The following SLC17A6 variants were observed in gnomAD, a reference collection of about 807,000 sequenced individuals.
SLC17A6 encodes the protein vesicular glutamate transporter 2.
SLC17A6 carries 35 observed loss-of-function variants against 67.1 expected under a neutral mutation model. That is an observed-to-expected ratio of 0.52 (90% confidence interval 0.40 to 0.69). The LOEUF (loss-of-function observed/expected upper bound fraction) is 0.69, where lower values mean the gene tolerates loss of function less well. SLC17A6 is among the 30% of genes least tolerant of loss of function. The pLI, the probability that SLC17A6 is intolerant of heterozygous loss-of-function variation, is 0.00. For synonymous variants in SLC17A6, 285 were observed against 252.3 expected, an observed-to-expected ratio of 1.13 and a Z score of -1.23; for missense variants, 588 against 723.9, an observed-to-expected ratio of 0.81 and a Z score of 2.15.
At chr11:22,350,246 T>C (rs192579467) in intron 3 of SLC17A6, among the ~76,000 whole-genome samples, 1 of 152,312 alleles carries the variant, frequency 6.6e-6, no homozygotes, top group East Asian at 1.9e-4. Context: ...CTATTACACC[T>C]CTTGATTTTG....
At chr11:22,370,721 T>C (rs1856165986) in intron 8 of SLC17A6, among the ~76,000 whole-genome samples, 1 of 152,084 alleles carries the variant, frequency 6.6e-6, no homozygotes. Context: ...GTGCAGAACT[T>C]TATGTGAGAT....
chr11:22,339,205 G>A (rs1300734055), intron 1 of SLC17A6, among the ~76,000 whole-genome samples: 56 of 130,706 alleles, frequency 4.3e-4, no homozygotes, highest in Admixed American at 6.2e-4. Context: ...ATATATATAT[G>A]TTAGAGAGAG....
intron 4 of SLC17A6, among the ~76,000 whole-genome samples, chr11:22,360,644 C>T (rs1564983281): frequency 6.6e-6 from 1 of 151,330 alleles, no homozygotes; most frequent in Non-Finnish European, 1.5e-5. Context: ...CTAAACTTCA[C>T]TTTTCTCTGT....
chr11:22,368,484 C>T (rs1856137902), intron 7 of SLC17A6, among the ~76,000 whole-genome samples: 2 of 151,852 alleles, frequency 1.3e-5, no homozygotes, highest in Admixed American at 6.6e-5. Context: ...TATCAGAATA[C>T]CATAATCTTC....
At chr11:22,377,234 A>T (rs1856241291) in intron 11 of SLC17A6, among the ~76,000 whole-genome samples, 171 bp from the exon 12 acceptor site, 1 of 152,272 alleles carries the variant, frequency 6.6e-6, no homozygotes, top group Admixed American at 6.5e-5. Flanking sequence ...AAATAATAAA[A>T]GTAATAGTAT....
chr11:22,375,914 T>C, intron 9 of SLC17A6, 68 bp from the exon 10 acceptor site: 1 of 984,538 alleles, frequency 1.0e-6, no homozygotes, highest in South Asian at 1.6e-5. Flanking sequence ...GGAACATTTT[T>C]AGCAGTTTTG....
At position 22,379,355 on chromosome 11, in the gene SLC17A6, T is replaced by C. The variant is rs1039379138; in HGVS notation, c.*1615T>C. 6.6e-6 allele frequency: 1 copy of C among 151,868 alleles called. No individual in the cohort carries two copies. Among genetic ancestry groups the C allele is most frequent in the African/African-American group, 2.4e-5 (1 of 41,264 alleles). 9.4% of individuals were successfully genotyped at this position (151,868 alleles called of 1,614,324 possible). On this transcript the variant is annotated 3_prime_UTR_variant, in exon 12 of 12. Coordinates refer to ENST00000263160, the MANE Select transcript of SLC17A6 (RefSeq NM_020346.3). Reference sequence around the variant, plus strand: ...AAAAAATGCAAATCATTCTTTACCTTAAGAAAAAAAAAATACCCTTTGCTT... The same window carrying C: ...AAAAAATGCAAATCATTCTTTACCTCAAGAAAAAAAAAATACCCTTTGCTT...
chr11:22,377,972 T>C lies in SLC17A6; in HGVS notation c.*232T>C. 2.0e-6 allele frequency: 1 copy of C among 507,656 alleles called. No homozygotes were observed. The highest frequency in any genetic ancestry group is 3.7e-5 in the Admixed American group (1 of 26,756). The allele number at this position is 507,656 out of a possible 1,614,324, so 31.4% of individuals were successfully genotyped here. A position where few individuals can be genotyped will look rare whatever the true frequency, so the allele number is the denominator to read the frequency against. On this transcript the variant is annotated 3_prime_UTR_variant, in exon 12 of 12. Coordinates refer to ENST00000263160, the MANE Select transcript of SLC17A6 (RefSeq NM_020346.3). ...CATTCTTGCATTTGTGACTTAAAGG[T>C]TGACTGGTCAAAATTGTAGAAACAA...
Position 22,362,204 on chromosome 11 carries a change from G to A in SLC17A6, c.662-535G>A, listed in dbSNP as rs572802703. On this transcript the variant is annotated intron_variant, in intron 5 of 11. Coordinates refer to ENST00000263160, the MANE Select transcript of SLC17A6 (RefSeq NM_020346.3). ...AACAAATTTGCCATAGGGGAAAAAC[G>A]TGATAACTTACCTTGATGACATCTT... 90 of 435,080 alleles carry A rather than the reference G, an allele frequency of 2.1e-4. 1 individual carries two copies. Among genetic ancestry groups the A allele is most frequent in the South Asian group, 1.5e-3 (73 of 48,974 alleles). 27.0% of individuals were successfully genotyped at this position (435,080 alleles called of 1,614,324 possible).
chr11:22,361,058 G>T lies in SLC17A6; in HGVS notation c.661+74G>T. 3 of 1,303,872 alleles carry T rather than the reference G, an allele frequency of 2.3e-6. No individual in the cohort carries two copies. The South Asian group carries it at 4.0e-5, about 17-fold the overall frequency. The allele number at this position is 1,303,872 out of a possible 1,614,324, so 80.8% of individuals were successfully genotyped here. On this transcript the variant is annotated intron_variant, in intron 5 of 11. Transcript: ENST00000263160. ...AACTTGAATAAGAATTGAAAATTTGGTAAACTCACCTGTAAAACCATCTGG... is the reference window on the plus strand; with the variant it reads ...AACTTGAATAAGAATTGAAAATTTGTTAAACTCACCTGTAAAACCATCTGG...
intron 1 of SLC17A6, among the ~76,000 whole-genome samples, chr11:22,339,465 G>T (rs1855787321): frequency 6.6e-6 from 1 of 151,868 alleles, no homozygotes; most frequent in African/African-American, 2.4e-5. Context: ...TACTTTGAAA[G>T]TCCTAGAAAT....
Position 22,370,058 on chromosome 11 carries a change from G to A in SLC17A6, c.911G>A (p.Arg304Lys), listed in dbSNP as rs901063427. 6.2e-7 allele frequency: 1 copy of A among 1,608,150 alleles called. No homozygotes were observed. Among genetic ancestry groups the A allele is most frequent in the Middle Eastern group, 1.7e-4 (1 of 6,044 alleles). Residue 304 changes from arginine (R) to lysine (K), a missense_variant, in exon 8 of 12, where the codon AGG becomes AAG. Arg to Lys is a conservative substitution (Grantham distance 26). This residue lies in a region of SLC17A6 where 414 missense variants were observed against 563.4 expected (regional missense o/e 0.73). Transcript: ENST00000263160. ...TTTCAGAAATTCAAGACTCCATGGA[G>A]GAAGTTTTTTACATCCATGCCAGTC... ...GAMEKFKTPW[R>K]KFFTSMPVYA...
Position 22,375,777 on chromosome 11 carries a change from G to T in SLC17A6, c.1175-205G>T, listed in dbSNP as rs182654109. 1.2e-4 allele frequency among the ~76,000 whole-genome samples: 18 copies of T among 152,260 alleles called. No individual in the cohort carries two copies. In the East Asian group the frequency reaches 3.5e-3, roughly 29 times the overall value. On this transcript the variant is annotated intron_variant, in intron 9 of 11. Transcript: ENST00000263160. ...TTACAGACATGAGCCACCGCATCTG[G>T]CCTGGATGTTTTTATTAAACACAAG...
chr11:22,361,744 T>C (rs2133870448), intron 5 of SLC17A6, among the ~76,000 whole-genome samples: 1 of 152,328 alleles, frequency 6.6e-6, no homozygotes, highest in South Asian at 2.1e-4. Context: ...TTTTAAAACA[T>C]TTTAAGACAA....
chr11:22,362,057 C>T (rs1449706350), intron 5 of SLC17A6, among the ~76,000 whole-genome samples: 1 of 151,714 alleles, frequency 6.6e-6, no homozygotes, highest in Non-Finnish European at 1.5e-5. Context: ...CTTTAATAAC[C>T]CACTATGTAA....
chr11:22,343,631 C>T (rs565909970), intron 3 of SLC17A6, among the ~76,000 whole-genome samples: 1 of 152,246 alleles, frequency 6.6e-6, no homozygotes, highest in South Asian at 2.1e-4. Flanking sequence ...GCGAAATAAT[C>T]GACGTGCTGT....
At position 22,375,968 on chromosome 11, in the gene SLC17A6, G is replaced by A. The variant is rs1325229758; in HGVS notation, c.1175-14G>A. 1.3e-6 allele frequency: 2 copies of A among 1,580,292 alleles called. No individual in the cohort carries two copies. Among genetic ancestry groups the A allele is most frequent in the Non-Finnish European group, 1.7e-6 (2 of 1,161,082 alleles). On this transcript the variant is annotated splice_polypyrimidine_tract_variant and intron_variant, in intron 9 of 11. Coordinates refer to ENST00000263160, the MANE Select transcript of SLC17A6 (RefSeq NM_020346.3). ...AAAAATTTCTGAAGAATTTCTATGT[G>A]TTTGCTTCTGAAGGTTTTGGCATGG...
chr11:22,370,675 A>T lies in SLC17A6; in HGVS notation c.1041+487A>T, dbSNP rs541019897. Among the ~76,000 whole-genome samples, 6 of 152,272 alleles carry T rather than the reference A, an allele frequency of 3.9e-5. No homozygotes were observed. In the South Asian group the frequency reaches 1.0e-3, roughly 26 times the overall value. On this transcript the variant is annotated intron_variant, in intron 8 of 11. Transcript: ENST00000263160. ...AAACACTCTTATATTTTGTCCATCC[A>T]ATCTATTAATTTAACAAGTATTTGT...
At chr11:22,345,959 T>C (rs191788874) in intron 3 of SLC17A6, among the ~76,000 whole-genome samples, 2 of 152,248 alleles carry the variant, frequency 1.3e-5, no homozygotes, top group East Asian at 1.9e-4. Context: ...AAATCAGAGA[T>C]TTTTACAAGT....
Sources: allele counts gnomAD v4.1 joint callset (sites outside exome capture counted in the v4.1 genomes callset), GRCh38; gene constraint gnomAD v4.1.1; regional missense constraint gnomAD v4.1.1; transcripts MANE v1.5; gene names NCBI Gene and HGNC (gene_info 2026-07-23, HGNC 2026-07-21).